The following PHKA2 variants were observed in gnomAD, a reference collection of about 807,000 sequenced individuals.
PHKA2 encodes phosphorylase b kinase regulatory subunit alpha, liver isoform.
PHKA2 carries 31 observed loss-of-function variants against 102.0 expected under a neutral mutation model. The ratio of observed to expected loss-of-function variants is 0.30; its 90% CI spans 0.23 to 0.41. The LOEUF (loss-of-function observed/expected upper bound fraction) is 0.41. PHKA2 is among the 10% of genes least tolerant of loss of function. PHKA2 has a pLI of 1.00. For synonymous variants in PHKA2, 455 were observed against 416.2 expected (o/e 1.09, Z -1.13); for missense variants, 858 against 1,023.1 (o/e 0.84, Z 2.20).
chrX:18,926,738 C>G, intron 13 of PHKA2, 151 bp from the exon 14 acceptor site: 1 of 564,808 alleles, frequency 1.8e-6, no homozygotes, highest in Non-Finnish European at 3.0e-6. Context: ...AGTGTTCGTC[C>G]TGCTGCTCCT....
At chrX:18,965,786 G>T (rs2048932390) in intron 1 of PHKA2, among the ~76,000 whole-genome samples, 1 of 111,802 alleles carries the variant, frequency 8.9e-6, no homozygotes, top group Admixed American at 9.5e-5. Context: ...CCTACCCATT[G>T]TGAGACAGGT....
At position 18,945,173 on chromosome X, in the gene PHKA2, G is replaced by A. The variant is rs776188319; in HGVS notation, c.538-15C>T. 17 of 1,096,411 alleles carry A rather than the reference G, an allele frequency of 1.6e-5. No homozygotes were observed. The South Asian group carries it at 2.4e-4, about 15-fold the overall frequency. 90.4% of individuals were successfully genotyped at this position (1,096,411 alleles called of 1,213,427 possible). ...ATTCCATAATCCTGGGGGAGAAAAAGGTGGGAATCAGAGGGGAGAAAGAGG... is the reference window on the plus strand; with the variant it reads ...ATTCCATAATCCTGGGGGAGAAAAAAGTGGGAATCAGAGGGGAGAAAGAGG... On this transcript the variant is annotated splice_polypyrimidine_tract_variant and intron_variant, in intron 5 of 32. Coordinates refer to ENST00000379942, the MANE Select transcript of PHKA2 (RefSeq NM_000292.3).
At chrX:18,931,787 G>A (rs921146362) in intron 11 of PHKA2, 39 bp from the exon 12 acceptor site, 1 of 933,875 alleles carries the variant, frequency 1.1e-6, no homozygotes, top group Admixed American at 2.2e-5. Flanking sequence ...AAAGTCAGAG[G>A]ATAAAATGGC....
chrX:18,915,301 C>CAT, intron 19 of PHKA2: 1 of 48 alleles, frequency 0.021, no homozygotes, highest in African/African-American at 0.1. Flanking sequence ...CATGATCATG[C>CAT]CACTGCACTT....
At chrX:18,928,799 A>G (rs769168614) in intron 13 of PHKA2, among the ~76,000 whole-genome samples, 1 of 112,722 alleles carries the variant, frequency 8.9e-6, no homozygotes, top group Non-Finnish European at 1.9e-5. Flanking sequence ...CCTCTCCAGA[A>G]GAAGGGCTGG....
chrX:18,975,509 T>G (rs758029439), intron 1 of PHKA2, among the ~76,000 whole-genome samples: 22 of 111,928 alleles, frequency 2.0e-4, no homozygotes, highest in Admixed American at 1.1e-3. Flanking sequence ...GAAAACGGAC[T>G]AATACAGATA....
At chrX:18,933,531 C>T (rs1169690407) in intron 11 of PHKA2, among the ~76,000 whole-genome samples, 1 of 112,812 alleles carries the variant, frequency 8.9e-6, no homozygotes, top group African/African-American at 3.2e-5. Context: ...TGCACAAGCA[C>T]ATCTGGCTGA....
At chrX:18,905,671 C>T (rs937702259) in intron 26 of PHKA2, 87 bp downstream of exon 26, 23 of 638,960 alleles carry the variant, frequency 3.6e-5, no homozygotes, top group African/African-American at 1.1e-4. Context: ...TTCCCACATT[C>T]GCTATGCCCC....
At chrX:18,938,074 G>A (rs1005814471) in intron 10 of PHKA2, among the ~76,000 whole-genome samples, 85 of 112,546 alleles carry the variant, frequency 7.6e-4, no homozygotes, top group African/African-American at 2.3e-3. Flanking sequence ...GTCCCCTCCC[G>A]CTTGAATATG....
rs751435036 is a variant in PHKA2 at position 18,926,464 on chromosome X, T to C, written c.1448A>G (p.Tyr483Cys). Residue 483 changes from tyrosine to cysteine, a missense_variant, in exon 14 of 33, where the codon TAT becomes TGT. Physicochemically the swap from Tyr to Cys is radical, Grantham distance 194 (BLOSUM62 -2). This residue lies in a region of PHKA2 where 671 missense variants were observed against 745.2 expected (regional missense o/e 0.90). Coordinates refer to ENST00000379942, the MANE Select transcript of PHKA2 (RefSeq NM_000292.3). ...TTCCCCAAACCTACCAAGCTTGGCA[T>C]ATATGTGACTAAGAATCCGGCCCGG... ...VQPGRILSHI[Y>C]AKLGRNKNMN... The C allele has an allele frequency of 8.3e-7, 1 of 1,203,879 alleles. No homozygotes were observed. Among genetic ancestry groups the C allele is most frequent in the Non-Finnish European group, 1.1e-6 (1 of 888,246 alleles).
Position 18,918,978 on chromosome X carries a change from C to T in PHKA2, c.1964-124G>A, listed in dbSNP as rs1441664730. ...TTAGCAGATGACAACACTGAGATAT[C>T]GATATTTGCACTCCCACTCACCCCT... On this transcript the variant is annotated intron_variant, in intron 18 of 32. Coordinates refer to ENST00000379942, the MANE Select transcript of PHKA2 (RefSeq NM_000292.3). 1.4e-5 allele frequency: 8 copies of T among 573,892 alleles called. No homozygotes were observed. The East Asian group carries it at 2.4e-4, about 17-fold the overall frequency. 47.3% of individuals were successfully genotyped at this position (573,892 alleles called of 1,213,427 possible).
At chrX:18,927,461 G>A (rs746691075) in intron 13 of PHKA2, among the ~76,000 whole-genome samples, 7 of 112,158 alleles carry the variant, frequency 6.2e-5, no homozygotes, top group Non-Finnish European at 1.1e-4. Flanking sequence ...GTCCAGCTGC[G>A]GCCGAGCCCC....
intron 1 of PHKA2, among the ~76,000 whole-genome samples, chrX:18,965,656 C>A (rs1216282206): frequency 1.8e-5 from 2 of 110,222 alleles, no homozygotes; most frequent in African/African-American, 6.6e-5. Flanking sequence ...TTTGTGCGAG[C>A]GTTTTTTCTA....
chrX:18,906,972 C>A, intron 23 of PHKA2, 46 bp downstream of exon 23: 1 of 1,096,874 alleles, frequency 9.1e-7, no homozygotes, highest in African/African-American at 1.8e-5. Flanking sequence ...GCTGTTTTCC[C>A]CATGGCTCCC....
rs374247406 is a variant in PHKA2, at chrX:18,957,325, A to G, written c.79-2913T>C. On this transcript the variant is annotated intron_variant, in intron 1 of 32. Transcript: ENST00000379942. ...TTACTGATGCTTATGAACCACCTGA[A>G]CAGGTCCATCTCTTTGGAGCTCTGG... Among the ~76,000 whole-genome samples the G allele has an allele frequency of 5.3e-5, 6 of 112,151 alleles. No homozygotes were observed. In the East Asian group the frequency reaches 1.4e-3, roughly 26 times the overall value.
At position 18,924,489 on chromosome X, in the gene PHKA2, T is replaced by G; in HGVS notation, c.1606A>C (p.Asn536His). 8.3e-7 allele frequency: 1 copy of G among 1,210,573 alleles called. No individual in the cohort carries two copies. Among genetic ancestry groups the G allele is most frequent in the East Asian group, 3.0e-5 (1 of 33,825 alleles). ...DQHHFYLALD[N>H]EMIVEMLRIE... ...CTTAGCATCTCCACGATCATCTCAT[T>G]GTCGAGGGCCAGGTAGAAGTGATGC... is the stretch of plus-strand genomic sequence containing the variant. Residue 536 changes from asparagine (N) to histidine (H), a missense_variant, in exon 16 of 33, where the codon AAT becomes CAT. Physicochemically the swap from Asn to His is moderately conservative, Grantham distance 68. Coordinates refer to ENST00000379942, the MANE Select transcript of PHKA2 (RefSeq NM_000292.3).
rs770827958 is a variant in PHKA2 at position 18,901,466 on chromosome X, G to C, written c.3027+19C>G. 3.2e-5 allele frequency: 32 copies of C among 1,015,445 alleles called. No individual in the cohort carries two copies. In the South Asian group the frequency reaches 5.7e-4, roughly 18 times the overall value. The allele number at this position is 1,015,445 out of a possible 1,213,427, so 83.7% of individuals were successfully genotyped here. A position where few individuals can be genotyped will look rare whatever the true frequency, so the allele number is the denominator to read the frequency against. On this transcript the variant is annotated intron_variant, in intron 27 of 32. Transcript: ENST00000379942. The stretch of plus-strand genomic sequence containing the variant: ...GGGAGACCACCACTCATCCCTCGCT[G>C]CCACTGAGGTGTTCTTACCTGTTTC...
chrX:18,929,434 T>A lies in PHKA2; in HGVS notation c.1246-128A>T, dbSNP rs752439938. On this transcript the variant is annotated intron_variant, in intron 12 of 32. Transcript: ENST00000379942. Reference sequence around the variant, plus strand: ...GACTTTTTTCTTTATATTTTTCGAGTCAATTGCTTATTTTCTGTGAAACAG... The same window carrying A: ...GACTTTTTTCTTTATATTTTTCGAGACAATTGCTTATTTTCTGTGAAACAG... The A allele has an allele frequency of 3.0e-4, 157 of 516,630 alleles. No individual in the cohort carries two copies. In the South Asian group the frequency reaches 4.2e-3, roughly 14 times the overall value. The allele number at this position is 516,630 out of a possible 1,213,427, so 42.6% of individuals were successfully genotyped here. A position where few individuals can be genotyped will look rare whatever the true frequency, so the allele number is the denominator to read the frequency against.
chrX:18,947,075 T>C (rs940486430), intron 5 of PHKA2, among the ~76,000 whole-genome samples: 1 of 111,673 alleles, frequency 9.0e-6, no homozygotes, highest in African/African-American at 3.3e-5. Context: ...CACCCAGTCT[T>C]TGGAACAAAT....
Sources: gnomAD v4.1 joint callset for allele counts (sites outside exome capture counted in the v4.1 genomes callset) on GRCh38, gnomAD v4.1.1 for gene constraint, gnomAD v4.1.1 regional missense constraint, MANE v1.5 for transcripts, NCBI Gene and HGNC (gene_info 2026-07-23, HGNC 2026-07-21) for gene names.